PPP3CA: variants seen among roughly 807,000 people sequenced by gnomAD.
PPP3CA encodes protein phosphatase 3 catalytic subunit alpha, also known as CAM-PRP catalytic subunit.
Under a neutral mutation model 66.5 loss-of-function variants are expected in PPP3CA, and 14 were observed. That is an observed-to-expected ratio of 0.21 (90% CI 0.14 to 0.33). PPP3CA has a LOEUF of 0.33. Ranked by LOEUF, PPP3CA falls within the 10% of genes least tolerant of loss-of-function variation. The pLI, the probability that PPP3CA is intolerant of heterozygous loss-of-function variation, is 1.00. For synonymous variants in PPP3CA, 232 were observed against 226.2 expected (o/e 1.03, Z -0.23); for missense variants, 317 against 639.5 (o/e 0.50, Z 5.44).
chr4:101,040,500 C>A lies in PPP3CA; in HGVS notation c.1223G>T (p.Arg408Ile). ...CACCCACCTGAGCACTGAGAACACT[C>A]TGGCCATTTTGCCTATTGCTCGGAT... ...NKIRAIGKMARVFSVLREESE... is the reference protein window; with the variant it reads ...NKIRAIGKMAIVFSVLREESE... Residue 408 changes from arginine to isoleucine, a missense_variant, in exon 11 of 14, where the codon AGA (arginine) becomes ATA (isoleucine). Around this residue, in one of 3 missense-constraint regions of PPP3CA, gnomAD observed 201 missense variants for 501.4 expected, o/e 0.40. Coordinates refer to ENST00000394854, the MANE Select transcript of PPP3CA (RefSeq NM_000944.5). 2 of 1,613,074 alleles carry A rather than the reference C, an allele frequency of 1.2e-6. No homozygotes were observed. Among genetic ancestry groups the A allele is most frequent in the Non-Finnish European group, 1.7e-6 (2 of 1,179,520 alleles).
chr4:101,075,801 A>G (rs1011712271), intron 8 of PPP3CA, among the ~76,000 whole-genome samples: 7 of 151,994 alleles, frequency 4.6e-5, no homozygotes, highest in African/African-American at 1.7e-4. Flanking sequence ...CTCATATCAC[A>G]CCACTCTTTT....
intron 1 of PPP3CA, among the ~76,000 whole-genome samples, chr4:101,237,803 A>G (rs1045600552): frequency 1.3e-5 from 2 of 152,082 alleles, no homozygotes; most frequent in African/African-American, 4.8e-5. Flanking sequence ...ATTCCCCTTC[A>G]GAATCAAGGA....
intron 1 of PPP3CA, among the ~76,000 whole-genome samples, chr4:101,263,202 T>G (rs1008932706): frequency 2.0e-5 from 3 of 152,196 alleles, no homozygotes; most frequent in Admixed American, 2.0e-4. Flanking sequence ...GCAGAGTATG[T>G]GGGAATATGT....
At chr4:101,181,393 C>A (rs540930427) in intron 2 of PPP3CA, among the ~76,000 whole-genome samples, 2 of 151,696 alleles carry the variant, frequency 1.3e-5, no homozygotes, top group South Asian at 2.1e-4. Flanking sequence ...ACAAGGTCTA[C>A]AAAGGTAACA....
chr4:101,043,815 C>T (rs894022993), intron 10 of PPP3CA, among the ~76,000 whole-genome samples: 4 of 151,706 alleles, frequency 2.6e-5, no homozygotes, highest in South Asian at 4.2e-4. Context: ...GCAGAGGTTG[C>T]GGTGAGCCGA....
intron 2 of PPP3CA, among the ~76,000 whole-genome samples, chr4:101,144,793 G>A (rs539739776): frequency 1.6e-4 from 24 of 151,986 alleles, no homozygotes; most frequent in Non-Finnish European, 3.4e-4. Flanking sequence ...TATTCCCTGA[G>A]GTTCATGGTA....
intron 2 of PPP3CA, chr4:101,171,207 C>T (rs1723866776): frequency 4.4e-6 from 2 of 455,854 alleles, no homozygotes; most frequent in South Asian, 1.5e-5. Context: ...GTGTGTGAAT[C>T]GGGGTCATCT....
chr4:101,230,145 A>G lies in PPP3CA; in HGVS notation c.59-34029T>C, dbSNP rs559259573. Among the ~76,000 whole-genome samples, 5 of 151,774 alleles carry G rather than the reference A, an allele frequency of 3.3e-5. No homozygotes were observed. The South Asian group carries it at 1.0e-3, about 31-fold the overall frequency. On this transcript the variant is annotated intron_variant, in intron 1 of 13. Transcript: ENST00000394854. ...TTGCAGCAGAATCATAAATGCCTCA[A>G]TAATTCATAAACCTTAAGTTCTAAT...
Position 101,099,679 on chromosome 4 carries a change from GT to G in PPP3CA, c.427del (p.Thr143HisfsTer14). 1 of 1,592,216 alleles carries G rather than the reference GT, an allele frequency of 6.3e-7. No individual in the cohort carries two copies. The highest frequency in any genetic ancestry group is 8.6e-7 in the Non-Finnish European group (1 of 1,168,844). On this transcript the variant is annotated frameshift_variant, in exon 4 of 14. Transcript: ENST00000394854. LOFTEE classifies it high-confidence loss of function. ...LWALKILYPKTLFLLRGNHEC... is the reference protein window; with the variant it reads ...LWALKILYPKXLFLLRGNHEC... ...ATGATTTCCACGAAGTAAAAACAGTGTTTTGGGGTAGAGAATTTTCAAGGCC... is the reference window on the plus strand; with the variant it reads ...ATGATTTCCACGAAGTAAAAACAGTGTTTGGGGTAGAGAATTTTCAAGGCC...
At chr4:101,248,176 C>T (rs1726551333) in intron 1 of PPP3CA, among the ~76,000 whole-genome samples, 1 of 152,170 alleles carries the variant, frequency 6.6e-6, no homozygotes, top group Non-Finnish European at 1.5e-5. Flanking sequence ...ATACTTCGTT[C>T]CTTCCGTCTC....
chr4:101,246,359 G>A (rs1025837277), intron 1 of PPP3CA, among the ~76,000 whole-genome samples: 2 of 152,124 alleles, frequency 1.3e-5, no homozygotes, highest in African/African-American at 4.8e-5. Flanking sequence ...TATTTATTCT[G>A]ATCATCTTTA....
chr4:101,261,518 C>T (rs998104491), intron 1 of PPP3CA, among the ~76,000 whole-genome samples: 5 of 152,026 alleles, frequency 3.3e-5, no homozygotes, highest in Admixed American at 6.6e-5. Context: ...ATTTTCCAAA[C>T]ATCTGCATTT....
chr4:101,179,995 G>A (rs2850983), intron 2 of PPP3CA, among the ~76,000 whole-genome samples: 119,343 of 152,034 alleles, frequency 0.78, 46,915 homozygotes, highest in South Asian at 0.82. Context: ...GTTATAATCT[G>A]CACTTGTAGT....
At chr4:101,082,260 C>T (rs1350202407) in intron 7 of PPP3CA, among the ~76,000 whole-genome samples, 1 of 152,216 alleles carries the variant, frequency 6.6e-6, no homozygotes, top group Non-Finnish European at 1.5e-5. Context: ...TCCGTTCACA[C>T]CTGTTGACTG....
At chr4:101,137,638 A>T (rs1236252190) in intron 2 of PPP3CA, among the ~76,000 whole-genome samples, 2 of 150,538 alleles carry the variant, frequency 1.3e-5, no homozygotes, top group African/African-American at 2.4e-5. Flanking sequence ...CTGAGCACCC[A>T]CTCTCTCTGG....
intron 2 of PPP3CA, among the ~76,000 whole-genome samples, chr4:101,190,176 ACCACT>A (rs1011371446): frequency 1.5e-4 from 23 of 152,088 alleles, no homozygotes; most frequent in Admixed American, 1.3e-4. Flanking sequence ...TACCTGAAAC[ACCACT>A]TCTCTTAAAG....
rs555564348 is a variant in PPP3CA at position 101,334,019 on chromosome 4, C to A, written c.58+12720G>T. On this transcript the variant is annotated intron_variant, in intron 1 of 13. Transcript: ENST00000394854. ...GTGAGCAGGATGGGTAGATGGATGGCTTAATAAGTAGAAGCAGTATCTTTT... is the reference window on the plus strand; with the variant it reads ...GTGAGCAGGATGGGTAGATGGATGGATTAATAAGTAGAAGCAGTATCTTTT... Among the ~76,000 whole-genome samples, 22 of 152,256 alleles carry A rather than the reference C, an allele frequency of 1.4e-4. 1 individual carries two copies. In the East Asian group the frequency reaches 1.7e-3, roughly 12 times the overall value.
intron 7 of PPP3CA, 58 bp downstream of exon 7, chr4:101,083,128 G>T: frequency 7.7e-7 from 1 of 1,292,678 alleles, no homozygotes; most frequent in South Asian, 2.2e-5. Flanking sequence ...TAAGCAAAGT[G>T]AGGAAGTTCT....
intron 1 of PPP3CA, among the ~76,000 whole-genome samples, chr4:101,304,156 A>G (rs568153383): frequency 6.6e-6 from 1 of 152,304 alleles, no homozygotes; most frequent in African/African-American, 2.4e-5. Context: ...CATGTGTACA[A>G]AGACCTCTTT....
Sources: gnomAD v4.1 joint callset for allele counts (sites outside exome capture counted in the v4.1 genomes callset) on GRCh38, gnomAD v4.1.1 for gene constraint, gnomAD v4.1.1 regional missense constraint, MANE v1.5 for transcripts, NCBI Gene and HGNC (gene_info 2026-07-23, HGNC 2026-07-21) for gene names.